Variants in GTF2IRD1 observed in about 807,000 individuals in gnomAD.
The protein encoded by GTF2IRD1 is general transcription factor II-I repeat domain-containing protein 1.
In GTF2IRD1, 26 loss-of-function variants were observed where a neutral mutation model predicts 113.2. The ratio of observed to expected loss-of-function variants is 0.23; its 90% confidence interval spans 0.17 to 0.32. GTF2IRD1 has a LOEUF of 0.32. Among genes scored for constraint, GTF2IRD1 ranks in the 10% least tolerant of loss-of-function variants. The probability of loss-of-function intolerance (pLI) is 1.00; values close to 1 mark genes in which losing one functional copy is unlikely to be tolerated. For synonymous variants in GTF2IRD1, 484 were observed against 529.1 expected (o/e 0.91, Z 1.17); for missense variants, 864 against 1,280.8 (o/e 0.67, Z 4.97).
intron 17 of GTF2IRD1, among the ~76,000 whole-genome samples, chr7:74,548,754 A>G (rs1484250792): frequency 2.6e-5 from 4 of 151,986 alleles, no homozygotes; most frequent in African/African-American, 9.7e-5. Context: ...AAAATTTTAA[A>G]TTAGCTGGGC....
chr7:74,511,839 G>A (rs1483912669), intron 2 of GTF2IRD1, among the ~76,000 whole-genome samples: 1 of 152,196 alleles, frequency 6.6e-6, no homozygotes, highest in African/African-American at 2.4e-5. Context: ...GTAGGTCAGA[G>A]ACCTGAGATG....
intron 1 of GTF2IRD1, among the ~76,000 whole-genome samples, chr7:74,456,814 TG>T (rs372271656): frequency 7.2e-5 from 11 of 152,190 alleles, no homozygotes; most frequent in South Asian, 6.2e-4. Flanking sequence ...CTGAGGAGGC[TG>T]GGGGGCTTCC....
chr7:74,505,747 G>A (rs1554340893), intron 1 of GTF2IRD1, among the ~76,000 whole-genome samples: 1 of 152,118 alleles, frequency 6.6e-6, no homozygotes, highest in Non-Finnish European at 1.5e-5. Context: ...ACACCTTCCA[G>A]CCCCCAGGCA....
At chr7:74,552,794 G>T (rs1246078073) in intron 17 of GTF2IRD1, among the ~76,000 whole-genome samples, 2 of 152,042 alleles carry the variant, frequency 1.3e-5, no homozygotes, top group Non-Finnish European at 2.9e-5. Flanking sequence ...ATGAGCATTG[G>T]TTTTTTGTTT....
intron 1 of GTF2IRD1, among the ~76,000 whole-genome samples, chr7:74,476,250 C>T (rs1794398660): frequency 6.6e-6 from 1 of 152,038 alleles, no homozygotes; most frequent in African/African-American, 2.4e-5. Context: ...GGGCTGATGG[C>T]AGCTAGTTGT....
intron 1 of GTF2IRD1, among the ~76,000 whole-genome samples, chr7:74,481,983 T>C (rs903383345): frequency 6.6e-6 from 1 of 151,968 alleles, no homozygotes; most frequent in African/African-American, 2.4e-5. Context: ...TGGGAAGAGC[T>C]CGACCACAGG....
Position 74,588,592 on chromosome 7 carries a change from G to A in GTF2IRD1, c.2321-1259G>A, listed in dbSNP as rs587763884. 5.9e-5 allele frequency among the ~76,000 whole-genome samples: 9 copies of A among 152,054 alleles called. No individual in the cohort carries two copies. In the South Asian group the frequency reaches 1.5e-3, roughly 25 times the overall value. Reference sequence around the variant, plus strand: ...GTCTCCCGGGCTGGACTGCAGTGACGTGATCTCTGCTCACTGCAACCTCCA... The same window carrying A: ...GTCTCCCGGGCTGGACTGCAGTGACATGATCTCTGCTCACTGCAACCTCCA... On this transcript the variant is annotated intron_variant, in intron 22 of 26. Transcript: ENST00000424337.
intron 1 of GTF2IRD1, among the ~76,000 whole-genome samples, chr7:74,500,298 G>A (rs538099505): frequency 2.0e-5 from 3 of 152,220 alleles, no homozygotes; most frequent in Non-Finnish European, 4.4e-5. Context: ...AATTTGGTAG[G>A]CCTAACGTGG....
intron 1 of GTF2IRD1, among the ~76,000 whole-genome samples, chr7:74,489,491 T>C (rs948542579): frequency 7.2e-5 from 11 of 152,060 alleles, no homozygotes; most frequent in Non-Finnish European, 1.5e-4. Context: ...TACAGGCATG[T>C]ACCACCACAC....
chr7:74,470,163 A>C (rs1793995347), intron 1 of GTF2IRD1, among the ~76,000 whole-genome samples: 2 of 151,910 alleles, frequency 1.3e-5, no homozygotes, highest in Admixed American at 1.3e-4. Flanking sequence ...ATGCCTGGCT[A>C]ATTTTTGTAT....
At chr7:74,454,966 CT>C (rs1554326812) in intron 1 of GTF2IRD1, among the ~76,000 whole-genome samples, 1 of 152,196 alleles carries the variant, frequency 6.6e-6, no homozygotes, top group Non-Finnish European at 1.5e-5. Flanking sequence ...CTCCTCACCC[CT>C]GGCCAGCAGC....
At chr7:74,486,821 T>A (rs1349101257) in intron 1 of GTF2IRD1, among the ~76,000 whole-genome samples, 22 of 147,284 alleles carry the variant, frequency 1.5e-4, no homozygotes, top group Admixed American at 4.7e-4. Flanking sequence ...AAAAAAAAAA[T>A]GAAAAAAAAT....
chr7:74,558,595 G>C (rs1320935668), intron 20 of GTF2IRD1, among the ~76,000 whole-genome samples: 1 of 151,918 alleles, frequency 6.6e-6, no homozygotes, highest in African/African-American at 2.4e-5. Context: ...CGAACTCTTA[G>C]ACTTAAGAGA....
intron 10 of GTF2IRD1, among the ~76,000 whole-genome samples, chr7:74,535,378 C>G (rs587627130): frequency 6.6e-6 from 1 of 152,298 alleles, no homozygotes; most frequent in South Asian, 2.1e-4. Flanking sequence ...TAAAGCTGGA[C>G]GCTAACCGGT....
Position 74,538,658 on chromosome 7 carries a change from A to C in GTF2IRD1, c.1448-22A>C, listed in dbSNP as rs1480000458. 2.1e-6 allele frequency: 3 copies of C among 1,423,478 alleles called. No individual in the cohort carries two copies. The Admixed American group carries it at 5.0e-5, about 24-fold the overall frequency. 88.2% of individuals were successfully genotyped at this position (1,423,478 alleles called of 1,614,324 possible). A position where few individuals can be genotyped will look rare whatever the true frequency, so the allele number is the denominator to read the frequency against. On this transcript the variant is annotated intron_variant, in intron 12 of 26. Coordinates refer to ENST00000424337, the MANE Select transcript of GTF2IRD1 (RefSeq NM_005685.4). ...TCGGGATCATGCCAGACTTGACAGG[A>C]TTCTTCCTTTCCTCCTTGCAGGAAC...
At position 74,524,099 on chromosome 7, in the gene GTF2IRD1, C is replaced by T. The variant is rs782111064; in HGVS notation, c.1035C>T (p.Thr345=). The T allele has an allele frequency of 2.5e-5, 41 of 1,612,878 alleles. No homozygotes were observed. In the East Asian group the frequency reaches 3.3e-4, roughly 13 times the overall value. Residue 345 remains threonine (T), a synonymous_variant, in exon 8 of 27, where the codon ACC becomes ACT. Coordinates refer to ENST00000424337, the MANE Select transcript of GTF2IRD1 (RefSeq NM_005685.4). ...SEKWDAFIKE[T]EDINTLRECV... ...AGTGGGACGCCTTCATAAAGGAAAC[C>T]GAGGACATCAACACGCTCCGGGAGT...
intron 14 of GTF2IRD1, among the ~76,000 whole-genome samples, chr7:74,541,954 G>A (rs587672985): frequency 6.9e-6 from 1 of 145,940 alleles, no homozygotes; most frequent in South Asian, 2.1e-4. Flanking sequence ...AAATTAGACA[G>A]GAACGGTAGG....
chr7:74,590,794 T>C, intron 23 of GTF2IRD1, 31 bp from the exon 24 acceptor site: 1 of 1,496,810 alleles, frequency 6.7e-7, no homozygotes. Context: ...AGGAGACATC[T>C]TTCCTCACTG....
At chr7:74,485,199 G>A (rs1353283726) in intron 1 of GTF2IRD1, among the ~76,000 whole-genome samples, 1 of 152,208 alleles carries the variant, frequency 6.6e-6, no homozygotes, top group Non-Finnish European at 1.5e-5. Flanking sequence ...TGCCCCAGGG[G>A]AGGCAGCAGT....
Sources: gnomAD v4.1 joint callset for allele counts (sites outside exome capture counted in the v4.1 genomes callset) on GRCh38, gnomAD v4.1.1 for gene constraint, MANE v1.5 for transcripts, NCBI Gene and HGNC (gene_info 2026-07-23, HGNC 2026-07-21) for gene names.